ARHGEF10L: variants seen among roughly 807,000 people sequenced by gnomAD.
The protein encoded by ARHGEF10L is rho guanine nucleotide exchange factor 10-like protein.
Under a neutral mutation model 141.2 loss-of-function variants are expected in ARHGEF10L, and 69 were observed. The observed-to-expected ratio is 0.49, with a 90% CI of 0.40 to 0.60. The LOEUF (loss-of-function observed/expected upper bound fraction) is 0.60, where lower values mean the gene tolerates loss of function less well. Among genes scored for constraint, ARHGEF10L ranks in the 20% least tolerant of loss-of-function variants. The pLI is 0.00. For missense variants in ARHGEF10L, 1,482 were observed against 1,734.3 expected, an observed-to-expected ratio of 0.85 and a Z score of 2.58; for synonymous variants, 711 against 718.5, an observed-to-expected ratio of 0.99 and a Z score of 0.17.
At chr1:17,643,204 A>G (rs2061418307) in intron 21 of ARHGEF10L, among the ~76,000 whole-genome samples, 1 of 152,184 alleles carries the variant, frequency 6.6e-6, no homozygotes, top group African/African-American at 2.4e-5. Context: ...AGAATATGTT[A>G]AAAACATTTA....
chr1:17,614,862 C>T (rs1214258172), intron 8 of ARHGEF10L, among the ~76,000 whole-genome samples: 1 of 152,160 alleles, frequency 6.6e-6, no homozygotes, highest in Non-Finnish European at 1.5e-5. Context: ...GGCTTTTCAG[C>T]AACCCTTCCT....
chr1:17,646,953 G>A (rs996507213), intron 21 of ARHGEF10L, among the ~76,000 whole-genome samples: 7 of 151,886 alleles, frequency 4.6e-5, no homozygotes, highest in Non-Finnish European at 8.8e-5. Flanking sequence ...GCAGGGGAAC[G>A]GCGAGGCCAG....
At chr1:17,563,567 C>T (rs1031538944) in intron 1 of ARHGEF10L, among the ~76,000 whole-genome samples, 2 of 152,016 alleles carry the variant, frequency 1.3e-5, no homozygotes, top group Non-Finnish European at 2.9e-5. Context: ...ACTGATGTGT[C>T]CCAAGTACTC....
chr1:17,658,628 T>G (rs1295656763), intron 25 of ARHGEF10L, among the ~76,000 whole-genome samples: 1 of 152,162 alleles, frequency 6.6e-6, no homozygotes, highest in Admixed American at 6.5e-5. Context: ...AAACGCTTAC[T>G]GAGCACGTAC....
Position 17,616,078 on chromosome 1 carries a change from C to T in ARHGEF10L, c.727-16C>T, listed in dbSNP as rs756542393. On this transcript the variant is annotated splice_polypyrimidine_tract_variant and intron_variant, in intron 8 of 28. Transcript: ENST00000361221. Reference sequence around the variant, plus strand: ...AGGCCGTCCCTTCCCTGATGAGCCTCTCTACCTTTGCTCAGATGACCCAGC... The same window carrying T: ...AGGCCGTCCCTTCCCTGATGAGCCTTTCTACCTTTGCTCAGATGACCCAGC... The T allele has an allele frequency of 2.5e-6, 4 of 1,611,510 alleles. No individual in the cohort carries two copies. The highest frequency in any genetic ancestry group is 1.6e-4 in the Middle Eastern group (1 of 6,082).
Position 17,697,296 on chromosome 1 carries a change from C to A in ARHGEF10L, c.3756C>A (p.Ser1252Arg), listed in dbSNP as rs376681507. 6.2e-7 allele frequency: 1 copy of A among 1,612,674 alleles called. No homozygotes were observed. Among genetic ancestry groups the A allele is most frequent in the East Asian group, 2.2e-5 (1 of 44,850 alleles). Residue 1252 changes from serine to arginine, a missense_variant, in exon 29 of 29, where the codon AGC (serine) becomes AGA (arginine). Transcript: ENST00000361221. This position sits in a 1 kb window ranked among gnomAD's most constrained non-coding sequence, Gnocchi z 4.8. The stretch of plus-strand genomic sequence containing the variant: ...GGCAGGGCTACCGCAACTTTGGCAG[C>A]GCTCTGGGCAGCAGTGGGAGGCAGG... ...SGGQGYRNFG[S>R]ALGSSGRQAP...
At chr1:17,572,427 T>C (rs2078041570) in intron 1 of ARHGEF10L, among the ~76,000 whole-genome samples, 1 of 152,098 alleles carries the variant, frequency 6.6e-6, no homozygotes, top group African/African-American at 2.4e-5. Flanking sequence ...TTTAGGTGAG[T>C]TCCTGCCCAG....
Position 17,640,247 on chromosome 1 carries a change from C to G in ARHGEF10L, c.2217C>G (p.Asn739Lys). The change falls in exon 21 of 29, where the codon AAC (asparagine) becomes AAG (lysine). Residue 739 changes from asparagine (N) to lysine (K), a missense_variant. By Grantham distance (94) the Asn-to-Lys change is moderately conservative (BLOSUM62 0). Coordinates refer to ENST00000361221, the MANE Select transcript of ARHGEF10L (RefSeq NM_018125.4). ...TCATGGTGGTTTTCATCACCCCCAACCCCCTGAGCAAGATTTCCTGGGTCA... is the reference window on the plus strand; with the variant it reads ...TCATGGTGGTTTTCATCACCCCCAAGCCCCTGAGCAAGATTTCCTGGGTCA... ...ISFMVVFITP[N>K]PLSKISWVNR... 6.2e-7 allele frequency: 1 copy of G among 1,613,408 alleles called. No individual in the cohort carries two copies. The highest frequency in any genetic ancestry group is 2.2e-5 in the East Asian group (1 of 44,886).
intron 4 of ARHGEF10L, among the ~76,000 whole-genome samples, chr1:17,591,408 ATTTTTTTT>A (rs35249582): frequency 8.3e-6 from 1 of 121,208 alleles, no homozygotes; most frequent in Non-Finnish European, 1.7e-5. Context: ...ATGCCTGGCT[ATTTTTTTT>A]TTTTTTTTTT....
At chr1:17,596,816 C>T (rs898617300) in intron 4 of ARHGEF10L, among the ~76,000 whole-genome samples, 1 of 152,190 alleles carries the variant, frequency 6.6e-6, no homozygotes, top group Non-Finnish European at 1.5e-5. Flanking sequence ...CTAGGCGGAT[C>T]CGAGGCAGGT....
chr1:17,557,422 G>A (rs772880509), intron 1 of ARHGEF10L, among the ~76,000 whole-genome samples: 1 of 152,026 alleles, frequency 6.6e-6, no homozygotes. Context: ...GGTTGGTGAC[G>A]GGCTCTGTGT....
At chr1:17,647,671 G>A (rs550890845) in intron 21 of ARHGEF10L, among the ~76,000 whole-genome samples, 1 of 152,236 alleles carries the variant, frequency 6.6e-6, no homozygotes, top group South Asian at 2.1e-4. Context: ...AGAGACTTAT[G>A]GAAATGGACC....
At chr1:17,681,399 C>A (rs1030960002) in intron 26 of ARHGEF10L, among the ~76,000 whole-genome samples, 7 of 152,214 alleles carry the variant, frequency 4.6e-5, no homozygotes, top group Non-Finnish European at 1.0e-4. Context: ...CAGAGCTACT[C>A]CCCCAAATGC....
At chr1:17,686,596 G>T (rs528311697) in intron 26 of ARHGEF10L, among the ~76,000 whole-genome samples, 3 of 152,152 alleles carry the variant, frequency 2.0e-5, no homozygotes, top group African/African-American at 2.4e-5. Context: ...GGACAGTTCG[G>T]GGGGGCAGTG....
chr1:17,587,042 G>A (rs1167954321), intron 2 of ARHGEF10L, among the ~76,000 whole-genome samples: 2 of 152,210 alleles, frequency 1.3e-5, no homozygotes. Context: ...TGGGAAGGAT[G>A]CGCTGTCTGT....
In ARHGEF10L at chr1:17,644,685, G is replaced by A. The variant is rs2061492867; in HGVS notation, c.2273-3869G>A. On this transcript the variant is annotated intron_variant, in intron 21 of 28. Transcript: ENST00000361221. The surrounding 1 kb of genome is among the most constrained non-coding windows in gnomAD (Gnocchi z 4.5). ...GGGAAGTTCGGGAAGAGCAGTAAAG[G>A]CACGATACTGGGACTGAGCCCAGTA... Among the ~76,000 whole-genome samples, 1 of 152,144 alleles carries A rather than the reference G, an allele frequency of 6.6e-6. No homozygotes were observed. Among genetic ancestry groups the A allele is most frequent in the African/African-American group, 2.4e-5 (1 of 41,424 alleles).
intron 2 of ARHGEF10L, 144 bp downstream of exon 2, chr1:17,580,776 C>T: frequency 2.2e-6 from 2 of 914,756 alleles, no homozygotes; most frequent in South Asian, 2.8e-5. Flanking sequence ...GGGCCGCATC[C>T]TCTATCTCAC....
the ARHGEF10L span, among the ~76,000 whole-genome samples, chr1:17,522,675 G>A: frequency 3.3e-5 from 5 of 152,042 alleles, no homozygotes; most frequent in African/African-American, 9.7e-5. Context: ...TCTCTTCTGT[G>A]CCCGCAAAGG....
chr1:17,547,095 C>T (rs185065182), intron 1 of ARHGEF10L, among the ~76,000 whole-genome samples: 18 of 152,228 alleles, frequency 1.2e-4, no homozygotes, highest in Non-Finnish European at 2.1e-4. Flanking sequence ...CTTTGACAGC[C>T]CCTAGCAGCA....
Sources: gnomAD v4.1 joint callset for allele counts (sites outside exome capture counted in the v4.1 genomes callset) on GRCh38, gnomAD v4.1.1 for gene constraint, Gnocchi (gnomAD v3.1) non-coding constraint, MANE v1.5 for transcripts, NCBI Gene and HGNC (gene_info 2026-07-23, HGNC 2026-07-21) for gene names.